The following AAGAB variants were observed in gnomAD, a reference collection of about 807,000 sequenced individuals.
AAGAB encodes alpha and gamma adaptin binding protein.
In AAGAB, 38 loss-of-function variants were observed where a neutral mutation model predicts 44.1. That is an observed-to-expected ratio of 0.86 (90% confidence interval 0.67 to 1.13). The LOEUF (loss-of-function observed/expected upper bound fraction) is 1.13. Among genes scored for constraint, AAGAB ranks in the 50% most tolerant of loss-of-function variants. AAGAB has a pLI of 0.00. For missense variants in AAGAB, 450 were observed against 373.8 expected, an observed-to-expected ratio of 1.20 and a Z score of -1.68; for synonymous variants, 131 against 131.8, an observed-to-expected ratio of 0.99 and a Z score of 0.04.
At chr15:67,241,040 T>TACACACACAC (rs10525823) in intron 1 of AAGAB, among the ~76,000 whole-genome samples, 41,085 of 146,848 alleles carry the variant, frequency 0.28, 5,965 homozygotes, top group Non-Finnish European at 0.34. Context: ...TCTGTTCTCC[T>TACACACACAC]ACACACACAC....
chr15:67,228,810 T>TC (rs1172360414), intron 5 of AAGAB, among the ~76,000 whole-genome samples: 2 of 152,098 alleles, frequency 1.3e-5, no homozygotes, highest in Non-Finnish European at 2.9e-5. Context: ...ACGAACAAAG[T>TC]CATCTCCTTT....
chr15:67,222,173 T>C (rs1434912898), intron 5 of AAGAB, among the ~76,000 whole-genome samples: 1 of 151,568 alleles, frequency 6.6e-6, no homozygotes, highest in Non-Finnish European at 1.5e-5. Context: ...GCCTCTCTCT[T>C]GCTGTGATAC....
At chr15:67,251,745 G>A (rs575707450) in intron 1 of AAGAB, among the ~76,000 whole-genome samples, 1 of 152,072 alleles carries the variant, frequency 6.6e-6, no homozygotes, top group Non-Finnish European at 1.5e-5. Context: ...ACTATTCCAC[G>A]GCCTAATATC....
At chr15:67,240,729 A>C (rs970341516) in intron 1 of AAGAB, among the ~76,000 whole-genome samples, 3 of 152,122 alleles carry the variant, frequency 2.0e-5, no homozygotes, top group Non-Finnish European at 2.9e-5. Flanking sequence ...TTTCCCTATA[A>C]TCTCATATGG....
At chr15:67,249,623 G>A (rs1028485223) in intron 1 of AAGAB, among the ~76,000 whole-genome samples, 11 of 151,972 alleles carry the variant, frequency 7.2e-5, no homozygotes, top group Admixed American at 4.6e-4. Context: ...TTAATCATCC[G>A]AAGTGGCAAT....
chr15:67,234,029 T>C (rs1964404946), intron 4 of AAGAB, among the ~76,000 whole-genome samples: 1 of 149,514 alleles, frequency 6.7e-6, no homozygotes, highest in African/African-American at 2.5e-5. Context: ...GATCACGAGG[T>C]CAGGAGATTG....
Position 67,204,024 on chromosome 15 carries a change from G to C in AAGAB, c.820+20C>G. On this transcript the variant is annotated intron_variant, in intron 8 of 9. Transcript: ENST00000261880. ...CAAGCATCAACATGGGAACATATTA[G>C]ACACAATGGATCTGATTACCTTTCA... is the stretch of plus-strand genomic sequence containing the variant. 1.4e-6 allele frequency: 2 copies of C among 1,435,218 alleles called. No homozygotes were observed. The highest frequency in any genetic ancestry group is 2.3e-5 in the South Asian group (2 of 86,058). The allele number at this position is 1,435,218 out of a possible 1,614,324, so 88.9% of individuals were successfully genotyped here.
At chr15:67,226,863 A>C (rs925032059) in intron 5 of AAGAB, 13 of 228,338 alleles carry the variant, frequency 5.7e-5, no homozygotes, top group African/African-American at 2.5e-4. Flanking sequence ...GGTGGAGGGC[A>C]GGAAGGAATG....
chr15:67,249,472 C>T (rs1231114195), intron 1 of AAGAB, among the ~76,000 whole-genome samples: 2 of 152,142 alleles, frequency 1.3e-5, no homozygotes, highest in Non-Finnish European at 1.5e-5. Context: ...AAATAAAAAT[C>T]CAGACACTGT....
chr15:67,209,445 C>A lies in AAGAB; in HGVS notation c.618+17G>T, dbSNP rs184821611. The A allele has an allele frequency of 1.6e-4, 251 of 1,605,610 alleles. 2 individuals carry two copies. In the Admixed American group the frequency reaches 1.9e-3, roughly 12 times the overall value. ...TTAAAGCCAAAGAGGGAAAAAAGATCCAAGAAAAACCTTTACCTCTGGGTG... is the reference window on the plus strand; with the variant it reads ...TTAAAGCCAAAGAGGGAAAAAAGATACAAGAAAAACCTTTACCTCTGGGTG... On this transcript the variant is annotated intron_variant, in intron 6 of 9. Transcript: ENST00000261880.
chr15:67,243,759 G>A (rs1964658766), intron 1 of AAGAB, among the ~76,000 whole-genome samples: 1 of 152,158 alleles, frequency 6.6e-6, no homozygotes, highest in South Asian at 2.1e-4. Context: ...CTTTCTTGAA[G>A]AGCTGAAACT....
At position 67,236,081 on chromosome 15, in the gene AAGAB, G is replaced by A. The variant is rs1260616112; in HGVS notation, c.362-13C>T. On this transcript the variant is annotated splice_polypyrimidine_tract_variant and intron_variant, in intron 3 of 9. Transcript: ENST00000261880. ...TGTCGGTTTATACCTAAAATAATAT[G>A]CAAAAGAATCTTCATAAGTAAAAAG... 1 of 1,566,576 alleles carries A rather than the reference G, an allele frequency of 6.4e-7. No homozygotes were observed.
chr15:67,254,987 G>A (rs749156875), upstream of AAGAB: 25 of 1,593,300 alleles, frequency 1.6e-5, no homozygotes, highest in Non-Finnish European at 2.1e-5. Flanking sequence ...CTGCCCAGCC[G>A]CGCCACTTCC....
chr15:67,240,156 G>A (rs1257777921), intron 1 of AAGAB, among the ~76,000 whole-genome samples: 1 of 152,128 alleles, frequency 6.6e-6, no homozygotes, highest in East Asian at 1.9e-4. Flanking sequence ...CAGAATAGGG[G>A]CACAATTATA....
chr15:67,250,330 C>T (rs1964832688), intron 1 of AAGAB, among the ~76,000 whole-genome samples: 1 of 152,152 alleles, frequency 6.6e-6, no homozygotes, highest in African/African-American at 2.4e-5. Context: ...GCACGCACCA[C>T]CGTGCCCAGC....
At chr15:67,253,579 C>T (rs1342328654) in intron 1 of AAGAB, among the ~76,000 whole-genome samples, 2 of 152,020 alleles carry the variant, frequency 1.3e-5, no homozygotes, top group South Asian at 2.1e-4. Context: ...CATAGCAAGA[C>T]TCTGGCTCTA....
At chr15:67,224,615 C>G (rs1442356388) in intron 5 of AAGAB, among the ~76,000 whole-genome samples, 1 of 144,074 alleles carries the variant, frequency 6.9e-6, no homozygotes, top group African/African-American at 2.6e-5. Flanking sequence ...CAGTCTCACT[C>G]TGTTGCCCAG....
intron 1 of AAGAB, among the ~76,000 whole-genome samples, chr15:67,250,217 C>T (rs1964829982): frequency 6.6e-6 from 1 of 152,134 alleles, no homozygotes; most frequent in Non-Finnish European, 1.5e-5. Context: ...CCCACTGTCA[C>T]CCAGGGTGGT....
chr15:67,202,731 G>C lies in AAGAB; in HGVS notation c.*90C>G. 2 of 1,264,464 alleles carry C rather than the reference G, an allele frequency of 1.6e-6. No homozygotes were observed. The allele number at this position is 1,264,464 out of a possible 1,614,324, so 78.3% of individuals were successfully genotyped here. ...CAAGTCAGGCAGCCAACATGATAAGGGCAATTTTGGCAAAATATGACTGGG... is the reference window on the plus strand; with the variant it reads ...CAAGTCAGGCAGCCAACATGATAAGCGCAATTTTGGCAAAATATGACTGGG... On this transcript the variant is annotated 3_prime_UTR_variant, in exon 10 of 10. Transcript: ENST00000261880.
Sources: allele counts gnomAD v4.1 joint callset (sites outside exome capture counted in the v4.1 genomes callset), GRCh38; gene constraint gnomAD v4.1.1; transcripts MANE v1.5; gene names NCBI Gene and HGNC (gene_info 2026-07-23, HGNC 2026-07-21).